The following MDM4 variants were observed in gnomAD, a reference collection of about 807,000 sequenced individuals.
MDM4 encodes protein Mdm4.
MDM4 carries 2 observed loss-of-function variants against 60.2 expected under a neutral mutation model. The ratio of observed to expected loss-of-function variants is 0.03; its 90% CI spans 0.01 to 0.10. The LOEUF (loss-of-function observed/expected upper bound fraction) is 0.10, where lower values mean the gene tolerates loss of function less well. Among genes scored for constraint, MDM4 ranks in the 10% least tolerant of loss-of-function variants. MDM4 has a pLI of 1.00. For synonymous variants in MDM4, 202 were observed against 198.1 expected, an observed-to-expected ratio of 1.02 and a Z score of -0.17; for missense variants, 447 against 577.5, an observed-to-expected ratio of 0.77 and a Z score of 2.32.
At chr1:204,530,131 C>G (rs1660718499) in intron 3 of MDM4, among the ~76,000 whole-genome samples, 1 of 152,164 alleles carries the variant, frequency 6.6e-6, no homozygotes, top group Non-Finnish European at 1.5e-5. Flanking sequence ...CTGCCTTGGC[C>G]TCCCAAAGTG....
rs1386068406 is a variant in MDM4, at chr1:204,538,224, A to G, written c.427A>G (p.Ser143Gly). 5 of 1,606,464 alleles carry G rather than the reference A, an allele frequency of 3.1e-6. No homozygotes were observed. Among genetic ancestry groups the G allele is most frequent in the East Asian group, 2.2e-5 (1 of 44,844 alleles). Reference protein sequence around the residue: ...QDQLKQSAEESSTSRKRTTED... With the variant: ...QDQLKQSAEEGSTSRKRTTED... ...CTTCTTTCAGCAAAGTGCAGAGGAA[A>G]GTTCCACTTCCAGAAAAAGAACTAC... The change falls in exon 7 of 11, where the codon AGT becomes GGT. Residue 143 changes from serine (S) to glycine (G), a missense_variant. Ser to Gly is a moderately conservative substitution (Grantham distance 56). Coordinates refer to ENST00000367182, the MANE Select transcript of MDM4 (RefSeq NM_002393.5).
chr1:204,537,831 C>A (rs954060014), intron 6 of MDM4: 3 of 652,100 alleles, frequency 4.6e-6, no homozygotes, highest in Non-Finnish European at 8.7e-6. Context: ...TCATGTCAGG[C>A]CATTTCCTAA....
chr1:204,549,941 A>G lies in MDM4; in HGVS notation c.*259A>G. 3.0e-6 allele frequency: 1 copy of G among 338,412 alleles called. No homozygotes were observed. Among genetic ancestry groups the G allele is most frequent in the Non-Finnish European group, 5.3e-6 (1 of 187,124 alleles). 21.0% of individuals were successfully genotyped at this position (338,412 alleles called of 1,614,324 possible). A position where few individuals can be genotyped will look rare whatever the true frequency, so the allele number is the denominator to read the frequency against. On this transcript the variant is annotated 3_prime_UTR_variant, in exon 11 of 11. Transcript: ENST00000367182. Reference sequence around the variant, plus strand: ...GAACCCAAAAGAAAAACTCTTGAAAACAAGAGATTTCTTCCATGCACATTT... The same window carrying G: ...GAACCCAAAAGAAAAACTCTTGAAAGCAAGAGATTTCTTCCATGCACATTT...
intron 5 of MDM4, among the ~76,000 whole-genome samples, chr1:204,533,787 T>TC (rs1335697508): frequency 4.6e-5 from 7 of 151,200 alleles, no homozygotes; most frequent in East Asian, 3.9e-4. Context: ...TTTTTCTTTT[T>TC]TTTTTTTTTT....
Position 204,543,125 on chromosome 1 carries a change from C to T in MDM4, c.672+181C>T, listed in dbSNP as rs1181973592. ...CTAGTCCTTACCTCTTCCCTAAATG[C>T]CCAACTTCAGTTTCCAGATGCCTAT... On this transcript the variant is annotated intron_variant, in intron 8 of 10. Transcript: ENST00000367182. Among the ~76,000 whole-genome samples the T allele has an allele frequency of 2.0e-5, 3 of 152,166 alleles. No homozygotes were observed. The East Asian group carries it at 5.8e-4, about 29-fold the overall frequency.
chr1:204,538,356 C>T, intron 7 of MDM4, 48 bp downstream of exon 7: 1 of 965,714 alleles, frequency 1.0e-6, no homozygotes, highest in Non-Finnish European at 1.6e-6. Context: ...CTTCCTCTTC[C>T]AACCTTTTTA....
Position 204,551,235 on chromosome 1 carries a change from A to G in MDM4, c.*1553A>G. 1 of 213,628 alleles carries G rather than the reference A, an allele frequency of 4.7e-6. No individual in the cohort carries two copies. Among genetic ancestry groups the G allele is most frequent in the Non-Finnish European group, 9.4e-6 (1 of 106,154 alleles). The allele number at this position is 213,628 out of a possible 1,614,324, so 13.2% of individuals were successfully genotyped here. ...TGAATTTTGTATTTTTTGTACAGAC[A>G]GCATTTTGCCATGTTGCCCAGGCTG... On this transcript the variant is annotated 3_prime_UTR_variant, in exon 11 of 11. Transcript: ENST00000367182.
chr1:204,549,248 A>C lies in MDM4; in HGVS notation c.1039A>C (p.Thr347Pro), dbSNP rs79824231. The C allele has an allele frequency of 1.9e-6, 3 of 1,614,192 alleles. No homozygotes were observed. The African/African-American group carries it at 4.0e-5, about 22-fold the overall frequency. The change falls in exon 11 of 11, where the codon ACT becomes CCT. Residue 347 changes from threonine to proline, a missense_variant. Around this residue, in one of 8 missense-constraint regions of MDM4, gnomAD observed 117 missense variants for 114.5 expected, o/e 1.02. Transcript: ENST00000367182. ...CCATTCTCTCTCCACGTCTGATATCACTGCCATACCTGAAAAGGAAAATGA... is the reference window on the plus strand; with the variant it reads ...CCATTCTCTCTCCACGTCTGATATCCCTGCCATACCTGAAAAGGAAAATGA... The part of the protein sequence containing the change: ...LTHSLSTSDI[T>P]AIPEKENEGN...
rs1463896576 is a variant in MDM4, at chr1:204,523,678, GC to G, written c.-35-1803del. Among the ~76,000 whole-genome samples the G allele has an allele frequency of 1.3e-4, 20 of 151,512 alleles. 1 individual carries two copies. Reference sequence around the variant, plus strand: ...GTATTTTTAGTAGAGACAGGGTTTTGCCCTGTTGCCTAGTCTGGCCTCTGTT... The same window carrying G: ...GTATTTTTAGTAGAGACAGGGTTTTGCCTGTTGCCTAGTCTGGCCTCTGTT... On this transcript the variant is annotated intron_variant, in intron 1 of 10. Coordinates refer to ENST00000367182, the MANE Select transcript of MDM4 (RefSeq NM_002393.5).
rs1417944954 is a variant in MDM4, at chr1:204,555,174, A to T, written c.*5492A>T. On this transcript the variant is annotated 3_prime_UTR_variant, in exon 11 of 11. Transcript: ENST00000367182. ...TCTCCATTTCTTTTTTTTTTTTTTT[A>T]GACGGAGTCTCTCTCTGTCGCCCCG... The T allele has an allele frequency of 1.3e-4, 22 of 166,532 alleles. No homozygotes were observed. The highest frequency in any genetic ancestry group is 2.5e-4 in the Non-Finnish European group (20 of 80,386). 10.3% of individuals were successfully genotyped at this position (166,532 alleles called of 1,614,324 possible). A position where few individuals can be genotyped will look rare whatever the true frequency, so the allele number is the denominator to read the frequency against.
intron 2 of MDM4, 60 bp from the exon 3 acceptor site, chr1:204,526,300 C>T (rs985860056): frequency 1.4e-6 from 2 of 1,421,984 alleles, no homozygotes; most frequent in Non-Finnish European, 2.0e-6. Context: ...TTCTCTTGTT[C>T]CATAGTTTCA....
rs981147770 is a variant in MDM4 at position 204,551,268 on chromosome 1, A to C, written c.*1586A>C. On this transcript the variant is annotated 3_prime_UTR_variant, in exon 11 of 11. Transcript: ENST00000367182. ...GCCATGTTGCCCAGGCTGGTCCCAAACTTCTAGCCTCAAGCAACCCTCCTG... is the reference window on the plus strand; with the variant it reads ...GCCATGTTGCCCAGGCTGGTCCCAACCTTCTAGCCTCAAGCAACCCTCCTG... The C allele has an allele frequency of 4.4e-6, 1 of 225,638 alleles. No homozygotes were observed. Among genetic ancestry groups the C allele is most frequent in the African/African-American group, 2.2e-5 (1 of 44,768 alleles). The allele number at this position is 225,638 out of a possible 1,614,324, so 14.0% of individuals were successfully genotyped here. A position where few individuals can be genotyped will look rare whatever the true frequency, so the allele number is the denominator to read the frequency against.
intron 9 of MDM4, among the ~76,000 whole-genome samples, chr1:204,545,444 G>T (rs1662566176): frequency 6.6e-6 from 1 of 152,156 alleles, no homozygotes; most frequent in South Asian, 2.1e-4. Context: ...AGAAATTGGG[G>T]AGGAGATCCA....
At position 204,525,512 on chromosome 1, in the gene MDM4, T is replaced by G; in HGVS notation, c.-7T>G. 10 of 1,607,332 alleles carry G rather than the reference T, an allele frequency of 6.2e-6. No homozygotes were observed. Among genetic ancestry groups the G allele is most frequent in the Non-Finnish European group, 8.5e-6 (10 of 1,178,190 alleles). On this transcript the variant is annotated 5_prime_UTR_variant, in exon 2 of 11. Coordinates refer to ENST00000367182, the MANE Select transcript of MDM4 (RefSeq NM_002393.5). ...TACCAACAGACTGCAGTTTCTTCAC[T>G]ACCAAAATGACATCATTTTCCACCT...
chr1:204,547,946 T>A (rs1047403547), intron 10 of MDM4, among the ~76,000 whole-genome samples: 2 of 152,224 alleles, frequency 1.3e-5, no homozygotes, highest in Non-Finnish European at 2.9e-5. Flanking sequence ...GGTCTTGAAC[T>A]TCTGATCTCA....
intron 2 of MDM4, 85 bp from the exon 3 acceptor site, chr1:204,526,275 A>G (rs971713543): frequency 7.0e-5 from 80 of 1,145,892 alleles, no homozygotes; most frequent in Non-Finnish European, 9.1e-5. Flanking sequence ...AAGCGGGGGG[A>G]GCTGTTTAAA....
rs186313296 is a variant in MDM4, at chr1:204,522,511, T to C, written c.-35-2973T>C. Reference sequence around the variant, plus strand: ...TTCCCAAGTTCAGGCGATTCTCCTGTCTCAGCCTCCCGAGTAGTTGGGACT... The same window carrying C: ...TTCCCAAGTTCAGGCGATTCTCCTGCCTCAGCCTCCCGAGTAGTTGGGACT... On this transcript the variant is annotated intron_variant, in intron 1 of 10. Coordinates refer to ENST00000367182, the MANE Select transcript of MDM4 (RefSeq NM_002393.5). 5.9e-3 allele frequency among the ~76,000 whole-genome samples: 891 copies of C among 151,466 alleles called. 10 individuals carry two copies. Among genetic ancestry groups the C allele is most frequent in the African/African-American group, 0.019 (796 of 41,246 alleles).
Position 204,549,522 on chromosome 1 carries a change from G to A in MDM4, c.1313G>A (p.Ser438Asn), listed in dbSNP as rs2102458383. 1 of 1,613,006 alleles carries A rather than the reference G, an allele frequency of 6.2e-7. No homozygotes were observed. The highest frequency in any genetic ancestry group is 1.7e-4 in the Middle Eastern group (1 of 6,054). The change falls in exon 11 of 11, where the codon AGC (serine) becomes AAC (asparagine). Residue 438 changes from serine to asparagine, a missense_variant. Physicochemically the swap from Ser to Asn is conservative, Grantham distance 46 (BLOSUM62 1). This residue lies in a region of MDM4 where 26 missense variants were observed against 70.0 expected (regional missense o/e 0.37). Transcript: ENST00000367182. ...EDCQNLLKPCSLCEKRPRDGN... is the reference protein window; with the variant it reads ...EDCQNLLKPCNLCEKRPRDGN... ...TGCCAGAATCTCTTGAAGCCATGTAGCTTATGTGAGAAAAGACCACGAGAC... is the reference window on the plus strand; with the variant it reads ...TGCCAGAATCTCTTGAAGCCATGTAACTTATGTGAGAAAAGACCACGAGAC...
intron 7 of MDM4, among the ~76,000 whole-genome samples, chr1:204,542,080 T>G (rs185689382): frequency 2.6e-5 from 4 of 152,340 alleles, no homozygotes; most frequent in Admixed American, 2.6e-4. Context: ...GTGAGATCTT[T>G]TACTTGAAAT....
Sources: gnomAD v4.1 joint callset for allele counts (sites outside exome capture counted in the v4.1 genomes callset) on GRCh38, gnomAD v4.1.1 for gene constraint, gnomAD v4.1.1 regional missense constraint, MANE v1.5 for transcripts, NCBI Gene and HGNC (gene_info 2026-07-23, HGNC 2026-07-21) for gene names.